Variants in BTBD9 observed in about 807,000 individuals in gnomAD.
BTBD9 encodes the protein BTB domain containing 9.
In BTBD9, 49 loss-of-function variants were observed where a neutral mutation model predicts 64.3. The ratio of observed to expected loss-of-function variants is 0.76; its 90% confidence interval spans 0.61 to 0.97. The LOEUF (loss-of-function observed/expected upper bound fraction) is 0.97. Ranked by LOEUF, BTBD9 falls within the 50% of genes least tolerant of loss-of-function variation. BTBD9 has a pLI of 0.00. For missense variants in BTBD9, 598 were observed against 762.1 expected (o/e 0.78, Z 2.53); for synonymous variants, 260 against 274.7 (o/e 0.95, Z 0.53).
intron 1 of BTBD9, among the ~76,000 whole-genome samples, chr6:38,614,365 C>G (rs537308818): frequency 6.6e-6 from 1 of 152,286 alleles, no homozygotes; most frequent in South Asian, 2.1e-4. Context: ...ACTACAGGCA[C>G]TCAACAAATG....
intron 6 of BTBD9, among the ~76,000 whole-genome samples, chr6:38,557,516 G>T (rs1472843819): frequency 6.6e-6 from 1 of 152,130 alleles, no homozygotes; most frequent in Admixed American, 6.5e-5. Context: ...TATTTCCTGG[G>T]TAAGACCAAA....
intron 9 of BTBD9, among the ~76,000 whole-genome samples, chr6:38,217,671 T>C (rs1037567500): frequency 2.6e-5 from 4 of 151,862 alleles, no homozygotes; most frequent in Non-Finnish European, 5.9e-5. Context: ...AGTTTGGTTT[T>C]TTAAACATTA....
chr6:38,248,494 C>T (rs999158206), intron 9 of BTBD9, among the ~76,000 whole-genome samples: 2 of 152,138 alleles, frequency 1.3e-5, no homozygotes, highest in Non-Finnish European at 2.9e-5. Context: ...GGGACCATGA[C>T]AAAGCAAAGA....
chr6:38,617,939 T>G (rs954117722), intron 1 of BTBD9, among the ~76,000 whole-genome samples: 2 of 152,130 alleles, frequency 1.3e-5, no homozygotes, highest in Admixed American at 1.3e-4. Context: ...AAGGCAAGGG[T>G]GCAGGTTTTT....
intron 8 of BTBD9, among the ~76,000 whole-genome samples, chr6:38,261,026 A>AT (rs1337123405): frequency 7.9e-5 from 12 of 152,102 alleles, no homozygotes; most frequent in African/African-American, 2.9e-4. Context: ...TGCAGCCTCA[A>AT]TTTCCTGGAC....
At chr6:38,460,295 AT>A (rs1478697348) in intron 6 of BTBD9, among the ~76,000 whole-genome samples, 2 of 152,218 alleles carry the variant, frequency 1.3e-5, no homozygotes, top group Admixed American at 6.5e-5. Context: ...CACAGCAATC[AT>A]CAAACAGCTG....
intron 6 of BTBD9, among the ~76,000 whole-genome samples, chr6:38,437,863 T>A (rs977229237): frequency 6.6e-6 from 1 of 151,832 alleles, no homozygotes; most frequent in African/African-American, 2.4e-5. Context: ...GGGTGGGGAA[T>A]GGGAAAACAA....
At chr6:38,252,839 G>T (rs1011432114) in intron 9 of BTBD9, among the ~76,000 whole-genome samples, 10 of 152,306 alleles carry the variant, frequency 6.6e-5, no homozygotes, top group Middle Eastern at 6.8e-3. Context: ...GGGCACTGTG[G>T]CTCATGCCTG....
rs145174808 is a variant in BTBD9, at chr6:38,292,047, C to T, written c.1265-3586G>A. On this transcript the variant is annotated intron_variant, in intron 7 of 10. Coordinates refer to ENST00000481247, the MANE Select transcript of BTBD9 (RefSeq NM_001099272.2). ...CGAAATCTCAGCTCACTGCAGCCTC[C>T]GCCTGCCCAGCTCAAGCAATTCTCC... Among the ~76,000 whole-genome samples, 127 of 152,008 alleles carry T rather than the reference C, an allele frequency of 8.4e-4. 1 individual carries two copies. The East Asian group carries it at 0.01, about 12-fold the overall frequency.
chr6:38,439,572 A>T (rs1202288705), intron 6 of BTBD9, among the ~76,000 whole-genome samples: 1 of 151,934 alleles, frequency 6.6e-6, no homozygotes, highest in Non-Finnish European at 1.5e-5. Context: ...GATTACAGGT[A>T]CCCACCACCA....
intron 6 of BTBD9, among the ~76,000 whole-genome samples, chr6:38,380,072 T>C (rs1765867627): frequency 6.6e-6 from 1 of 152,176 alleles, no homozygotes; most frequent in Non-Finnish European, 1.5e-5. Context: ...ATTGCTGTAT[T>C]TGTTATATAC....
At chr6:38,484,583 T>C (rs571210495) in intron 6 of BTBD9, among the ~76,000 whole-genome samples, 1 of 152,292 alleles carries the variant, frequency 6.6e-6, no homozygotes, top group East Asian at 1.9e-4. Context: ...ATGAGACAGG[T>C]ACAGGGATAG....
intron 6 of BTBD9, among the ~76,000 whole-genome samples, chr6:38,380,542 AGG>A (rs1305746150): frequency 6.6e-6 from 1 of 152,212 alleles, no homozygotes; most frequent in African/African-American, 2.4e-5. Flanking sequence ...AGTCTAGAAG[AGG>A]GTAGGCTGGG....
At chr6:38,225,742 G>A (rs966499620) in intron 9 of BTBD9, among the ~76,000 whole-genome samples, 5 of 151,368 alleles carry the variant, frequency 3.3e-5, no homozygotes, top group African/African-American at 1.2e-4. Context: ...GCAGGGGTAC[G>A]AGGGACTACC....
intron 6 of BTBD9, among the ~76,000 whole-genome samples, chr6:38,364,059 A>G (rs1562081048): frequency 6.6e-6 from 1 of 152,148 alleles, no homozygotes. Flanking sequence ...CATTCAAGTC[A>G]CTTAAAATTG....
chr6:38,455,057 T>A (rs1051191685), intron 6 of BTBD9, among the ~76,000 whole-genome samples: 1 of 152,166 alleles, frequency 6.6e-6, no homozygotes, highest in East Asian at 1.9e-4. Context: ...ACAAACAAAA[T>A]AAATAAATAA....
At chr6:38,521,548 T>G (rs1422314815) in intron 6 of BTBD9, among the ~76,000 whole-genome samples, 7 of 152,214 alleles carry the variant, frequency 4.6e-5, no homozygotes, top group African/African-American at 1.7e-4. Flanking sequence ...CATTGAGAAT[T>G]TCCTTTGAGC....
intron 6 of BTBD9, among the ~76,000 whole-genome samples, chr6:38,527,882 C>A (rs1439790671): frequency 6.6e-6 from 1 of 151,632 alleles, no homozygotes; most frequent in Non-Finnish European, 1.5e-5. Flanking sequence ...CGAACAGAAT[C>A]CTCCGGTGAT....
chr6:38,361,110 G>T (rs1367989889), intron 6 of BTBD9, among the ~76,000 whole-genome samples: 1 of 152,094 alleles, frequency 6.6e-6, no homozygotes, highest in African/African-American at 2.4e-5. Context: ...AATCACCTGG[G>T]GGACTTCGGA....
Sources: gnomAD v4.1 joint callset for allele counts (sites outside exome capture counted in the v4.1 genomes callset) on GRCh38, gnomAD v4.1.1 for gene constraint, MANE v1.5 for transcripts, NCBI Gene and HGNC (gene_info 2026-07-23, HGNC 2026-07-21) for gene names.